Variants in ZNF527 observed in about 807,000 individuals in gnomAD.
The protein encoded by ZNF527 is zinc finger protein 527.
Under a neutral mutation model 13.5 loss-of-function variants are expected in ZNF527, and 5 were observed. That is an observed-to-expected ratio of 0.37 (90% CI 0.19 to 0.78). The LOEUF is 0.78. Among genes scored for constraint, ZNF527 ranks in the 30% least tolerant of loss-of-function variants. The pLI is 0.48. For missense variants in ZNF527, 628 were observed against 726.4 expected (o/e 0.86, Z 1.56); for synonymous variants, 209 against 243.1 (o/e 0.86, Z 1.30).
intron 2 of ZNF527, among the ~76,000 whole-genome samples, chr19:37,375,023 T>C (rs2040587694): frequency 6.6e-6 from 1 of 152,132 alleles, no homozygotes; most frequent in African/African-American, 2.4e-5. Context: ...CGTTGTGGCA[T>C]GTGAGAGGAA....
At position 37,388,738 on chromosome 19, in the gene ZNF527, G is replaced by T; in HGVS notation, c.689G>T (p.Ser230Ile). 6.2e-7 allele frequency: 1 copy of T among 1,612,920 alleles called. No homozygotes were observed. The highest frequency in any genetic ancestry group is 8.5e-7 in the Non-Finnish European group (1 of 1,179,752). ...IGNECEEFNQ[S>I]TYLSKDIGIP... ...AATGAATGTGAAGAATTCAACCAGA[G>T]TACGTACCTTAGTAAAGATATAGGA... The change falls in exon 5 of 5, where the codon AGT becomes ATT. Residue 230 changes from serine to isoleucine, a missense_variant. Coordinates refer to ENST00000436120, the MANE Select transcript of ZNF527 (RefSeq NM_032453.2).
Position 37,388,580 on chromosome 19 carries a change from A to G in ZNF527, c.531A>G (p.Val177=), listed in dbSNP as rs2040719943. 12 of 1,614,172 alleles carry G rather than the reference A, an allele frequency of 7.4e-6. No individual in the cohort carries two copies. The highest frequency in any genetic ancestry group is 1.0e-5 in the Non-Finnish European group (12 of 1,180,026). ...NSGRSIPLKS[V]FLTQQKVPTI... Reference sequence around the variant, plus strand: ...GGAGAAGCATACCCCTGAAATCAGTATTTTTAACACAACAGAAAGTTCCTA... The same window carrying G: ...GGAGAAGCATACCCCTGAAATCAGTGTTTTTAACACAACAGAAAGTTCCTA... Residue 177 remains valine, a synonymous_variant, in exon 5 of 5, where the codon GTA becomes GTG. Coordinates refer to ENST00000436120, the MANE Select transcript of ZNF527 (RefSeq NM_032453.2).
chr19:37,384,768 G>T (rs945645352), intron 4 of ZNF527: 28 of 524,574 alleles, frequency 5.3e-5, no homozygotes, highest in Non-Finnish European at 9.3e-5. Context: ...ATTTACTAGT[G>T]ATATTATTGA....
At chr19:37,378,879 G>A (rs924095800) in intron 2 of ZNF527, among the ~76,000 whole-genome samples, 3 of 152,058 alleles carry the variant, frequency 2.0e-5, no homozygotes, top group African/African-American at 7.2e-5. Context: ...GCTGTTTCTT[G>A]TTATAAGCTA....
At chr19:37,375,464 C>A (rs777094814) in intron 2 of ZNF527, among the ~76,000 whole-genome samples, 3 of 150,726 alleles carry the variant, frequency 2.0e-5, no homozygotes, top group Non-Finnish European at 3.0e-5. Context: ...TGGGTTCAAG[C>A]GATTCTCCTG....
intron 2 of ZNF527, among the ~76,000 whole-genome samples, chr19:37,377,618 C>T (rs1328544259): frequency 6.6e-6 from 1 of 152,118 alleles, no homozygotes. Flanking sequence ...CATAGAGAAA[C>T]TATAAAGGAT....
chr19:37,379,426 T>C (rs1254246581), intron 3 of ZNF527, 180 bp downstream of exon 3: 1 of 511,186 alleles, frequency 2.0e-6, no homozygotes, highest in Non-Finnish European at 3.1e-6. Context: ...ATTAATTTAC[T>C]TTTGGCAGAC....
intron 4 of ZNF527, among the ~76,000 whole-genome samples, chr19:37,383,541 T>A (rs1214718478): frequency 6.8e-6 from 1 of 146,332 alleles, no homozygotes; most frequent in African/African-American, 2.5e-5. Context: ...CCCAGCTGAT[T>A]TTTTTTTTTT....
intron 4 of ZNF527, 72 bp downstream of exon 4, chr19:37,380,444 T>C (rs2040644838): frequency 3.0e-6 from 4 of 1,322,918 alleles, no homozygotes; most frequent in African/African-American, 1.4e-5. Context: ...GGAAACTGTT[T>C]TGAGCTTCAG....
rs752239631 is a variant in ZNF527 at position 37,389,824 on chromosome 19, G to T, written c.1775G>T (p.Ser592Ile). The change falls in exon 5 of 5, where the codon AGC becomes ATC. Residue 592 changes from serine to isoleucine, a missense_variant. This residue lies in a region of ZNF527 where 592 missense variants were observed against 678.0 expected (regional missense o/e 0.87). Coordinates refer to ENST00000436120, the MANE Select transcript of ZNF527 (RefSeq NM_032453.2). ...TGTAACGAATGTGGGAATAATTTTA[G>T]CTGTGTCTCAGCCCTTAGACGACAT... ...YKCNECGNNF[S>I]CVSALRRHQR... 3.1e-6 allele frequency: 5 copies of T among 1,612,860 alleles called. No individual in the cohort carries two copies. Among genetic ancestry groups the T allele is most frequent in the Non-Finnish European group, 4.2e-6 (5 of 1,179,938 alleles).
chr19:37,380,316 AG>A lies in ZNF527; in HGVS notation c.201del (p.Glu67AspfsTer46). The A allele has an allele frequency of 7.4e-6, 12 of 1,614,114 alleles. No homozygotes were observed. The highest frequency in any genetic ancestry group is 1.0e-5 in the Non-Finnish European group (12 of 1,179,996). ...ISKPNMISLL[E>X]QGKEPWMVER... ...AAGCCCAACATGATCTCCTTACTGG[AG>A]CAAGGGAAGGAACCGTGGATGGTGG... On this transcript the variant is annotated frameshift_variant, in exon 4 of 5. Coordinates refer to ENST00000436120, the MANE Select transcript of ZNF527 (RefSeq NM_032453.2). LOFTEE classifies it high-confidence loss of function.
rs1248513090 is a variant in ZNF527, at chr19:37,391,213, T to A, written c.*1334T>A. The stretch of plus-strand genomic sequence containing the variant: ...TCTTCTTTCAGTATGGGTCTAAACA[T>A]ATTCTGTGGCAGAATATAATAACAA... On this transcript the variant is annotated 3_prime_UTR_variant, in exon 5 of 5. Transcript: ENST00000436120. 2.3e-4 allele frequency: 35 copies of A among 152,208 alleles called. No homozygotes were observed. Among genetic ancestry groups the A allele is most frequent in the Non-Finnish European group, 7.3e-5 (5 of 68,036 alleles). 9.4% of individuals were successfully genotyped at this position (152,208 alleles called of 1,614,324 possible). A position where few individuals can be genotyped will look rare whatever the true frequency, so the allele number is the denominator to read the frequency against.
chr19:37,382,708 T>C (rs1309685195), intron 4 of ZNF527, among the ~76,000 whole-genome samples: 1 of 152,140 alleles, frequency 6.6e-6, no homozygotes, highest in Non-Finnish European at 1.5e-5. Flanking sequence ...TTCAGGTCCA[T>C]TTGTTACTGT....
rs372823998 is a variant in ZNF527 at position 37,388,741 on chromosome 19, C to G, written c.692C>G (p.Thr231Arg). ...GAATGTGAAGAATTCAACCAGAGTA[C>G]GTACCTTAGTAAAGATATAGGAATT... ...GNECEEFNQS[T>R]YLSKDIGIPP... The change falls in exon 5 of 5, where the codon ACG (threonine) becomes AGG (arginine). Residue 231 changes from threonine (T) to arginine (R), a missense_variant. By Grantham distance (71) the Thr-to-Arg change is moderately conservative. Coordinates refer to ENST00000436120, the MANE Select transcript of ZNF527 (RefSeq NM_032453.2). 1 of 1,612,654 alleles carries G rather than the reference C, an allele frequency of 6.2e-7. No individual in the cohort carries two copies. Among genetic ancestry groups the G allele is most frequent in the African/African-American group, 1.3e-5 (1 of 74,826 alleles).
chr19:37,383,539 A>AT (rs750041418), intron 4 of ZNF527, among the ~76,000 whole-genome samples: 8,807 of 121,192 alleles, frequency 0.073, 572 homozygotes, highest in African/African-American at 0.18. Context: ...CACCCAGCTG[A>AT]TTTTTTTTTT....
At chr19:37,380,228 C>A in intron 3 of ZNF527, 49 bp from the exon 4 acceptor site, 1 of 1,608,022 alleles carries the variant, frequency 6.2e-7, no homozygotes, top group South Asian at 1.1e-5. Flanking sequence ...ATTTGTTTGT[C>A]TGTATGTCTT....
intron 4 of ZNF527, chr19:37,385,059 C>T (rs528008642): frequency 6.9e-5 from 41 of 595,332 alleles, no homozygotes; most frequent in African/African-American, 5.4e-4. Context: ...CTCCTGGGCT[C>T]AAGCGATCCT....
intron 1 of ZNF527, among the ~76,000 whole-genome samples, chr19:37,372,145 G>A (rs141040272): frequency 2.6e-5 from 4 of 151,254 alleles, no homozygotes; most frequent in African/African-American, 4.9e-5. Context: ...GATTACAGGC[G>A]CGCACCACCA....
intron 2 of ZNF527, among the ~76,000 whole-genome samples, chr19:37,376,731 G>A (rs771910349): frequency 1.4e-5 from 2 of 144,220 alleles, no homozygotes; most frequent in African/African-American, 2.5e-5. Flanking sequence ...AATGGAAAAC[G>A]AGGAAGGTGA....
Sources: gnomAD v4.1 joint callset for allele counts (sites outside exome capture counted in the v4.1 genomes callset) on GRCh38, gnomAD v4.1.1 for gene constraint, gnomAD v4.1.1 regional missense constraint, MANE v1.5 for transcripts, NCBI Gene and HGNC (gene_info 2026-07-23, HGNC 2026-07-21) for gene names.